STX8: variants seen among roughly 807,000 people sequenced by gnomAD.
STX8 encodes syntaxin-8.
A neutral mutation model predicts 37.5 loss-of-function variants in STX8; 23 were observed. That is an observed-to-expected ratio of 0.61 (90% CI 0.44 to 0.87). STX8 has a LOEUF of 0.87. Ranked by LOEUF, STX8 falls within the 40% of genes least tolerant of loss-of-function variation. STX8 has a pLI of 0.00. For synonymous variants in STX8, 115 were observed against 99.1 expected (o/e 1.16, Z -0.95); for missense variants, 313 against 284.7 (o/e 1.10, Z -0.71).
chr17:9,431,127 A>AGT (rs773088740), intron 6 of STX8, among the ~76,000 whole-genome samples: 4 of 151,298 alleles, frequency 2.6e-5, no homozygotes, highest in Non-Finnish European at 5.9e-5. Context: ...AAGTGCTGGG[A>AGT]TTACAGGTGT....
chr17:9,298,462 C>T (rs899860764), intron 7 of STX8, among the ~76,000 whole-genome samples: 4 of 152,146 alleles, frequency 2.6e-5, no homozygotes, highest in Non-Finnish European at 5.9e-5. Flanking sequence ...TTTGTCTTTC[C>T]CTCTTCCAAG....
intron 7 of STX8, among the ~76,000 whole-genome samples, chr17:9,360,536 T>C (rs1911028781): frequency 6.6e-6 from 1 of 151,972 alleles, no homozygotes; most frequent in South Asian, 2.1e-4. Context: ...ATCTCTACTA[T>C]ATTTACTCAC....
intron 4 of STX8, among the ~76,000 whole-genome samples, chr17:9,525,442 G>T (rs1567597393): frequency 6.6e-6 from 1 of 151,854 alleles, no homozygotes; most frequent in South Asian, 2.1e-4. Context: ...CACCTCCTGG[G>T]TTCACACCAT....
chr17:9,513,336 A>G (rs1487578490), intron 4 of STX8, among the ~76,000 whole-genome samples: 2 of 139,142 alleles, frequency 1.4e-5, no homozygotes, highest in African/African-American at 5.2e-5. Context: ...AAAAAAAAAG[A>G]TACACAAAAT....
Position 9,341,787 on chromosome 17 carries a change from T to C in STX8, c.643+36765A>G, listed in dbSNP as rs376668346. Among the ~76,000 whole-genome samples the C allele has an allele frequency of 2.9e-4, 44 of 152,256 alleles. No individual in the cohort carries two copies. The East Asian group carries it at 7.9e-3, about 27-fold the overall frequency. On this transcript the variant is annotated intron_variant, in intron 7 of 7. Transcript: ENST00000306357. ...GCAAGATTTGAAGTTGAACAGCAACTGAGGGGAGCCCACTGTGTGAGCAAA... is the reference window on the plus strand; with the variant it reads ...GCAAGATTTGAAGTTGAACAGCAACCGAGGGGAGCCCACTGTGTGAGCAAA...
At chr17:9,277,444 A>C (rs568377432) in intron 7 of STX8, among the ~76,000 whole-genome samples, 2 of 152,160 alleles carry the variant, frequency 1.3e-5, no homozygotes, top group African/African-American at 4.8e-5. Flanking sequence ...GAAGGCATCT[A>C]GGCTGAATAC....
At chr17:9,526,973 A>G (rs572656790) in intron 4 of STX8, among the ~76,000 whole-genome samples, 5 of 151,212 alleles carry the variant, frequency 3.3e-5, no homozygotes, top group Admixed American at 1.3e-4. Flanking sequence ...AGGTCAGGAG[A>G]TCGAGACCAT....
At chr17:9,320,492 A>G (rs1909541121) in intron 7 of STX8, among the ~76,000 whole-genome samples, 1 of 152,198 alleles carries the variant, frequency 6.6e-6, no homozygotes, top group Non-Finnish European at 1.5e-5. Context: ...CATTAACCAT[A>G]GCTCATTTCT....
intron 7 of STX8, among the ~76,000 whole-genome samples, chr17:9,335,548 T>C (rs891232288): frequency 5.9e-5 from 9 of 152,150 alleles, no homozygotes; most frequent in South Asian, 2.1e-4. Context: ...ACACGCTATA[T>C]GCATTCATAG....
At chr17:9,331,407 AC>A (rs1179557925) in intron 7 of STX8, among the ~76,000 whole-genome samples, 1 of 151,948 alleles carries the variant, frequency 6.6e-6, no homozygotes, top group East Asian at 1.9e-4. Flanking sequence ...TTCCTTGCAA[AC>A]AGAAACCAAT....
At chr17:9,572,645 T>C (rs1173597181) in intron 1 of STX8, among the ~76,000 whole-genome samples, 2 of 152,072 alleles carry the variant, frequency 1.3e-5, no homozygotes. Flanking sequence ...CCTGACCTTA[T>C]GATCCGCCTG....
intron 7 of STX8, among the ~76,000 whole-genome samples, chr17:9,362,227 G>A (rs1369534447): frequency 6.6e-6 from 1 of 152,160 alleles, no homozygotes; most frequent in African/African-American, 2.4e-5. Flanking sequence ...CTTCTCAGGA[G>A]GCTGAAGCAT....
At chr17:9,516,183 T>C (rs1376646314) in intron 4 of STX8, among the ~76,000 whole-genome samples, 1 of 151,330 alleles carries the variant, frequency 6.6e-6, no homozygotes, top group Non-Finnish European at 1.5e-5. Context: ...TTGGAACCAG[T>C]CACTGGTAGC....
intron 7 of STX8, among the ~76,000 whole-genome samples, chr17:9,274,721 A>T (rs1443198542): frequency 1.4e-5 from 2 of 141,538 alleles, no homozygotes; most frequent in Non-Finnish European, 3.1e-5. Context: ...TAATAAACAA[A>T]GTCTTCAAAA....
intron 4 of STX8, among the ~76,000 whole-genome samples, chr17:9,524,709 T>C (rs1467524282): frequency 1.3e-5 from 2 of 152,204 alleles, no homozygotes; most frequent in Non-Finnish European, 2.9e-5. Context: ...ATTACACCAA[T>C]TCATCTACTT....
chr17:9,524,930 C>G (rs952031275), intron 4 of STX8, among the ~76,000 whole-genome samples: 14 of 151,974 alleles, frequency 9.2e-5, no homozygotes, highest in African/African-American at 3.4e-4. Context: ...ACCTCAGCCT[C>G]CCTAGTAGCT....
intron 7 of STX8, among the ~76,000 whole-genome samples, chr17:9,359,571 A>G (rs1375272039): frequency 1.4e-5 from 2 of 143,030 alleles, no homozygotes; most frequent in Non-Finnish European, 3.0e-5. Flanking sequence ...GCAGTGGTGC[A>G]ATCTCGGCTC....
chr17:9,563,758 G>A (rs752134842), intron 2 of STX8, among the ~76,000 whole-genome samples: 2 of 151,842 alleles, frequency 1.3e-5, no homozygotes, highest in Non-Finnish European at 2.9e-5. Flanking sequence ...GTTGGAAAAA[G>A]CAACTCCTGA....
intron 4 of STX8, among the ~76,000 whole-genome samples, chr17:9,508,275 G>A (rs768608065): frequency 6.6e-6 from 1 of 152,158 alleles, no homozygotes; most frequent in East Asian, 1.9e-4. Context: ...CAATGAATAA[G>A]TAAATAAGTA....
Sources: gnomAD v4.1 joint callset for allele counts (sites outside exome capture counted in the v4.1 genomes callset) on GRCh38, gnomAD v4.1.1 for gene constraint, MANE v1.5 for transcripts, NCBI Gene and HGNC (gene_info 2026-07-23, HGNC 2026-07-21) for gene names.